Variants in CDKL2 observed in about 807,000 individuals in gnomAD.
CDKL2 encodes the protein cyclin-dependent kinase-like 2.
CDKL2 carries 64 observed loss-of-function variants against 63.9 expected under a neutral mutation model. The observed-to-expected ratio is 1.00, with a 90% CI of 0.82 to 1.23. The LOEUF (loss-of-function observed/expected upper bound fraction) is 1.23. CDKL2 is among the 50% of genes most tolerant of loss of function. The pLI is 0.00. For synonymous variants in CDKL2, 211 were observed against 229.2 expected, an observed-to-expected ratio of 0.92 and a Z score of 0.72; for missense variants, 656 against 668.0, an observed-to-expected ratio of 0.98 and a Z score of 0.20.
chr4:75,599,480 G>C (rs1193735692), intron 7 of CDKL2, among the ~76,000 whole-genome samples: 1 of 135,144 alleles, frequency 7.4e-6, no homozygotes, highest in Non-Finnish European at 1.5e-5. Context: ...AGAATCGCTT[G>C]AACCCAGGAG....
chr4:75,598,624 G>A (rs1729046076), intron 7 of CDKL2, among the ~76,000 whole-genome samples: 1 of 148,830 alleles, frequency 6.7e-6, no homozygotes, highest in Admixed American at 6.7e-5. Context: ...GCTTAAGAAT[G>A]TCTCTGATGA....
intron 5 of CDKL2, 143 bp from the exon 6 acceptor site, chr4:75,604,099 CA>C: frequency 1.4e-6 from 1 of 709,322 alleles, no homozygotes; most frequent in Non-Finnish European, 2.3e-6. Context: ...TGACCAAAGA[CA>C]ATGCCGTTAC....
intron 12 of CDKL2, among the ~76,000 whole-genome samples, chr4:75,585,527 A>G (rs1728438607): frequency 6.6e-6 from 1 of 152,156 alleles, no homozygotes; most frequent in South Asian, 2.1e-4. Context: ...TAGGAATTCA[A>G]GGTTGCAGTG....
At chr4:75,587,173 G>A (rs1215484156) in intron 12 of CDKL2, among the ~76,000 whole-genome samples, 1 of 152,214 alleles carries the variant, frequency 6.6e-6, no homozygotes, top group Non-Finnish European at 1.5e-5. Flanking sequence ...ACAATAAGAG[G>A]CCGGGTGCAG....
At position 75,577,807 on chromosome 4, in the gene CDKL2, A is replaced by G. The variant is rs1404500019; in HGVS notation, c.*1395T>C. ...ATTTTAATTTAACCACCACCTATAG[A>G]CTTGTACATTGAAACCCCTTATTTG... On this transcript the variant is annotated 3_prime_UTR_variant, in exon 14 of 14. Coordinates refer to ENST00000307465, the MANE Select transcript of CDKL2 (RefSeq NM_001330724.2). Among the ~76,000 whole-genome samples the G allele has an allele frequency of 6.6e-6, 1 of 152,252 alleles. No homozygotes were observed. Among genetic ancestry groups the G allele is most frequent in the East Asian group, 1.9e-4 (1 of 5,184 alleles).
intron 10 of CDKL2, among the ~76,000 whole-genome samples, chr4:75,595,790 G>A (rs1226558757): frequency 6.6e-6 from 1 of 151,918 alleles, no homozygotes; most frequent in African/African-American, 2.4e-5. Flanking sequence ...TTAGCTGGGT[G>A]CGGTGGCAGG....
At position 75,595,268 on chromosome 4, in the gene CDKL2, T is replaced by A. The variant is rs868313616; in HGVS notation, c.1416+979A>T. Reference sequence around the variant, plus strand: ...CCAGGCTGAGGTGCTGGGGCACAATTACAGCCACAGCTTACCACTGTAGCC... The same window carrying A: ...CCAGGCTGAGGTGCTGGGGCACAATAACAGCCACAGCTTACCACTGTAGCC... On this transcript the variant is annotated intron_variant, in intron 10 of 13. Transcript: ENST00000307465. 4.3e-4 allele frequency among the ~76,000 whole-genome samples: 65 copies of A among 151,128 alleles called. No homozygotes were observed. The Middle Eastern group carries it at 0.017, about 40-fold the overall frequency.
intron 12 of CDKL2, among the ~76,000 whole-genome samples, chr4:75,590,938 G>A (rs1229134007): frequency 6.6e-6 from 1 of 152,126 alleles, no homozygotes; most frequent in Admixed American, 6.5e-5. Flanking sequence ...AGTTATGGTT[G>A]GCTAAGGAGA....
chr4:75,614,439 T>C lies in CDKL2; in HGVS notation c.179A>G (p.His60Arg). 6.5e-7 allele frequency: 1 copy of C among 1,549,802 alleles called. No individual in the cohort carries two copies. Residue 60 changes from histidine to arginine, a missense_variant, in exon 3 of 14, where the codon CAT (histidine) becomes CGT (arginine). Transcript: ENST00000307465. ...TTCCAAGAGATTCACCAAGTTTTCA[T>C]GCCTAAGTTGCTGTTATTAAAAAAT... Reference protein sequence around the residue: ...REIKLLKQLRHENLVNLLEVC... With the variant: ...REIKLLKQLRRENLVNLLEVC...
chr4:75,626,046 A>T, intron 1 of CDKL2, 29 bp from the exon 2 acceptor site: 3 of 1,394,104 alleles, frequency 2.2e-6, no homozygotes, highest in Non-Finnish European at 3.0e-6. Context: ...AGATTTAACA[A>T]AGTTGAGTAC....
intron 13 of CDKL2, among the ~76,000 whole-genome samples, chr4:75,580,380 G>C (rs1451391979): frequency 6.6e-6 from 1 of 152,154 alleles, no homozygotes; most frequent in African/African-American, 2.4e-5. Context: ...AAAATGGTCT[G>C]ATTGGCCAGA....
At chr4:75,629,731 C>A (rs920873137) in intron 1 of CDKL2, among the ~76,000 whole-genome samples, 6 of 151,950 alleles carry the variant, frequency 3.9e-5, no homozygotes, top group Middle Eastern at 3.2e-3. Flanking sequence ...CCTGAGGTTG[C>A]GAGTTCGAGA....
chr4:75,581,994 T>C (rs1728284812), intron 12 of CDKL2, 96 bp from the exon 13 acceptor site: 1 of 754,704 alleles, frequency 1.3e-6, no homozygotes, highest in Admixed American at 2.2e-5. Context: ...ATTAGATGTT[T>C]ATAATTAACT....
intron 12 of CDKL2, among the ~76,000 whole-genome samples, chr4:75,589,299 CTTTTTTTTTTTT>C (rs34052339): frequency 1.1e-5 from 1 of 88,412 alleles, no homozygotes; most frequent in Non-Finnish European, 2.1e-5. Context: ...TTGATAGTTT[CTTTTTTTTTTTT>C]TTTTTTTTTT....
intron 12 of CDKL2, among the ~76,000 whole-genome samples, chr4:75,584,780 A>G (rs2148859084): frequency 6.6e-6 from 1 of 152,344 alleles, no homozygotes; most frequent in South Asian, 2.1e-4. Flanking sequence ...ACAGAGCCAG[A>G]CAGCTCAAGA....
chr4:75,585,203 G>T (rs1416529497), intron 12 of CDKL2, among the ~76,000 whole-genome samples: 1 of 152,134 alleles, frequency 6.6e-6, no homozygotes, highest in African/African-American at 2.4e-5. Context: ...GATAAAGAGA[G>T]GCATTTCATA....
rs142690434 is a variant in CDKL2, at chr4:75,625,860, C to T, written c.129G>A (p.Met43Ile). 7 of 1,612,702 alleles carry T rather than the reference C, an allele frequency of 4.3e-6. No homozygotes were observed. In the African/African-American group the frequency reaches 8.0e-5, roughly 18 times the overall value. The stretch of plus-strand genomic sequence containing the variant: ...TTTCTCGCATTGCAATCTTTTTAAC[C>T]ATTTTGTCATCGTCACTTTCTAAGA... The part of the protein sequence containing the change: ...KKFLESDDDK[M>I]VKKIAMREIK... Residue 43 changes from methionine to isoleucine, a missense_variant, in exon 2 of 14, where the codon ATG becomes ATA. Transcript: ENST00000307465.
intron 6 of CDKL2, among the ~76,000 whole-genome samples, chr4:75,601,076 T>C (rs1477559614): frequency 6.6e-6 from 1 of 152,128 alleles, no homozygotes; most frequent in Non-Finnish European, 1.5e-5. Context: ...AAGAAAGAGA[T>C]GAAGAGAAGC....
chr4:75,602,430 G>A (rs562595146), intron 6 of CDKL2, among the ~76,000 whole-genome samples: 14 of 151,700 alleles, frequency 9.2e-5, no homozygotes, highest in South Asian at 4.2e-4. Flanking sequence ...CACGTGCCTC[G>A]GCCGCCCAAA....
Sources: gnomAD v4.1 joint callset for allele counts (sites outside exome capture counted in the v4.1 genomes callset) on GRCh38, gnomAD v4.1.1 for gene constraint, MANE v1.5 for transcripts, NCBI Gene and HGNC (gene_info 2026-07-23, HGNC 2026-07-21) for gene names.